The following SYTL3 variants were observed in gnomAD, a reference collection of about 807,000 sequenced individuals.
SYTL3 encodes the protein synaptotagmin like 3, also known as synaptotagmin-like protein 3.
SYTL3 carries 88 observed loss-of-function variants against 82.1 expected under a neutral mutation model. That is an observed-to-expected ratio of 1.07 (90% CI 0.90 to 1.28). The LOEUF is 1.28. SYTL3 is among the 50% of genes most tolerant of loss of function. The pLI is 0.00. For missense variants in SYTL3, 831 were observed against 757.6 expected, an observed-to-expected ratio of 1.10 and a Z score of -1.14; for synonymous variants, 311 against 289.4, an observed-to-expected ratio of 1.07 and a Z score of -0.76.
chr6:158,685,370 GT>G (rs1738153990), intron 6 of SYTL3, among the ~76,000 whole-genome samples: 2 of 151,842 alleles, frequency 1.3e-5, no homozygotes, highest in Non-Finnish European at 2.9e-5. Flanking sequence ...CACGCCCCAT[GT>G]CTGACTAATT....
rs560725725 is a variant in SYTL3 at position 158,693,695 on chromosome 6, C to T, written c.394+10706C>T. The stretch of plus-strand genomic sequence containing the variant: ...ACTGAATCCAGCCTTTCTTTCTTTT[C>T]GTTTTCTTTCTTTCTTTCTTTCTTT... On this transcript the variant is annotated intron_variant, in intron 6 of 17. Coordinates refer to ENST00000611299, the MANE Select transcript of SYTL3 (RefSeq NM_001242394.2). Among the ~76,000 whole-genome samples, 420 of 125,438 alleles carry T rather than the reference C, an allele frequency of 3.3e-3. 6 individuals carry two copies. Among genetic ancestry groups the T allele is most frequent in the African/African-American group, 0.019 (389 of 20,334 alleles). 82.3% of individuals were successfully genotyped at this position (125,438 alleles called of 152,430 possible). A position where few individuals can be genotyped will look rare whatever the true frequency, so the allele number is the denominator to read the frequency against.
chr6:158,654,920 C>G (rs541725529), intron 2 of SYTL3, among the ~76,000 whole-genome samples: 16 of 152,166 alleles, frequency 1.1e-4, no homozygotes, highest in African/African-American at 3.6e-4. Flanking sequence ...TCAGGCTGAT[C>G]GATGGAGTGC....
chr6:158,707,396 C>CT, intron 7 of SYTL3, 115 bp downstream of exon 7: 2 of 719,718 alleles, frequency 2.8e-6, no homozygotes, highest in South Asian at 2.2e-5. Flanking sequence ...TGGAATGTGA[C>CT]TCTTTTTTTT....
At chr6:158,695,689 C>G (rs1780484606) in intron 6 of SYTL3, among the ~76,000 whole-genome samples, 1 of 152,194 alleles carries the variant, frequency 6.6e-6, no homozygotes, top group African/African-American at 2.4e-5. Context: ...AACAATAACT[C>G]TCCATCCTCC....
At chr6:158,664,717 T>C (rs1789807629) in intron 4 of SYTL3, among the ~76,000 whole-genome samples, 1 of 152,220 alleles carries the variant, frequency 6.6e-6, no homozygotes, top group Admixed American at 6.5e-5. Context: ...CTAGGGTAGA[T>C]CCTGAAAGTT....
intron 14 of SYTL3, 82 bp from the exon 15 acceptor site, chr6:158,760,558 C>A: frequency 8.1e-7 from 1 of 1,238,680 alleles, no homozygotes; most frequent in Non-Finnish European, 1.2e-6. Flanking sequence ...CATCTGTGGA[C>A]GAAGCTGAGA....
rs1380864571 is a variant in SYTL3, at chr6:158,764,787, T to C, written c.*183T>C. On this transcript the variant is annotated 3_prime_UTR_variant, in exon 18 of 18. Transcript: ENST00000611299. ...CTGTGTATATTTACGTTAAACACAA[T>C]TATGTTACCTAAGCCTCTGGTGGGT... 1.9e-6 allele frequency: 1 copy of C among 516,934 alleles called. No individual in the cohort carries two copies. Among genetic ancestry groups the C allele is most frequent in the Non-Finnish European group, 3.5e-6 (1 of 289,258 alleles). 32.0% of individuals were successfully genotyped at this position (516,934 alleles called of 1,614,324 possible).
intron 6 of SYTL3, among the ~76,000 whole-genome samples, chr6:158,690,547 A>G (rs1301975591): frequency 1.3e-5 from 2 of 152,206 alleles, no homozygotes; most frequent in Non-Finnish European, 2.9e-5. Flanking sequence ...GACATGCTAT[A>G]AGAATCTAGT....
chr6:158,675,263 A>G (rs924093252), intron 5 of SYTL3, among the ~76,000 whole-genome samples: 1 of 152,072 alleles, frequency 6.6e-6, no homozygotes, highest in Non-Finnish European at 1.5e-5. Context: ...TGTGACAGAG[A>G]GGGGGGCACC....
intron 6 of SYTL3, among the ~76,000 whole-genome samples, chr6:158,688,081 A>G (rs539963865): frequency 1.3e-5 from 2 of 152,244 alleles, no homozygotes; most frequent in Non-Finnish European, 2.9e-5. Context: ...TGGCATAAAC[A>G]TTTTCCTATG....
At chr6:158,761,758 C>T (rs1222689217) in intron 15 of SYTL3, among the ~76,000 whole-genome samples, 1 of 152,250 alleles carries the variant, frequency 6.6e-6, no homozygotes, top group Non-Finnish European at 1.5e-5. Context: ...GGGGCTCTCA[C>T]TTTCCCCCAA....
intron 6 of SYTL3, among the ~76,000 whole-genome samples, chr6:158,697,418 G>A (rs1319353593): frequency 6.6e-6 from 1 of 151,920 alleles, no homozygotes; most frequent in Admixed American, 6.6e-5. Context: ...CCTGGGTGAT[G>A]GAGCAAAGAC....
At chr6:158,680,199 A>G (rs759639092) in intron 5 of SYTL3, among the ~76,000 whole-genome samples, 1 of 152,160 alleles carries the variant, frequency 6.6e-6, no homozygotes, top group Non-Finnish European at 1.5e-5. Flanking sequence ...AGGCATGGGA[A>G]TTTACCACCC....
chr6:158,685,791 C>T (rs1779237410), intron 6 of SYTL3, among the ~76,000 whole-genome samples: 1 of 152,162 alleles, frequency 6.6e-6, no homozygotes, highest in South Asian at 2.1e-4. Context: ...GCACTCCAGC[C>T]TGGGCAACAA....
chr6:158,707,335 G>GT, intron 7 of SYTL3, 54 bp downstream of exon 7: 3 of 1,547,274 alleles, frequency 1.9e-6, no homozygotes, highest in Admixed American at 1.7e-5. Context: ...GGAGCGCAGA[G>GT]GACACTCTGC....
At chr6:158,761,810 C>T (rs367869937) in intron 15 of SYTL3, among the ~76,000 whole-genome samples, 2 of 152,222 alleles carry the variant, frequency 1.3e-5, no homozygotes, top group Non-Finnish European at 2.9e-5. Context: ...CATCTTCCCT[C>T]TCCTTGCGTT....
intron 4 of SYTL3, among the ~76,000 whole-genome samples, chr6:158,664,515 C>T (rs557512844): frequency 6.6e-6 from 1 of 152,194 alleles, no homozygotes; most frequent in Non-Finnish European, 1.5e-5. Context: ...TGCACTCCAG[C>T]CTGGGCAATA....
chr6:158,753,157 C>T (rs1390518325), intron 13 of SYTL3, among the ~76,000 whole-genome samples: 4 of 143,714 alleles, frequency 2.8e-5, no homozygotes, highest in Non-Finnish European at 6.0e-5. Context: ...TCTTGGCTCA[C>T]TGCAACCTCC....
chr6:158,686,132 T>A lies in SYTL3; in HGVS notation c.394+3143T>A, dbSNP rs1461093555. ...TTTTCAGCACTTCATGTCTCCTGAG[T>A]GAGTGGGAGAAGTATGTTATCAAGG... is the stretch of plus-strand genomic sequence containing the variant. On this transcript the variant is annotated intron_variant, in intron 6 of 17. Coordinates refer to ENST00000611299, the MANE Select transcript of SYTL3 (RefSeq NM_001242394.2). Among the ~76,000 whole-genome samples, 13 of 144,450 alleles carry A rather than the reference T, an allele frequency of 9.0e-5. No individual in the cohort carries two copies. In the East Asian group the frequency reaches 2.9e-3, roughly 32 times the overall value. The allele number at this position is 144,450 out of a possible 152,430, so 94.8% of individuals were successfully genotyped here. A position where few individuals can be genotyped will look rare whatever the true frequency, so the allele number is the denominator to read the frequency against.
Sources: allele counts gnomAD v4.1 joint callset (sites outside exome capture counted in the v4.1 genomes callset), GRCh38; gene constraint gnomAD v4.1.1; transcripts MANE v1.5; gene names NCBI Gene and HGNC (gene_info 2026-07-23, HGNC 2026-07-21).